ST8SIA5: variants seen among roughly 807,000 people sequenced by gnomAD.
The protein encoded by ST8SIA5 is alpha-2,8-sialyltransferase 8E.
ST8SIA5 carries 24 observed loss-of-function variants against 40.2 expected under a neutral mutation model. That is an observed-to-expected ratio of 0.60 (90% CI 0.43 to 0.84). ST8SIA5 has a LOEUF of 0.84. Among genes scored for constraint, ST8SIA5 ranks in the 40% least tolerant of loss-of-function variants. The probability of loss-of-function intolerance (pLI) is 0.00; values close to 1 mark genes in which losing one functional copy is unlikely to be tolerated. For synonymous variants in ST8SIA5, 198 were observed against 201.8 expected, an observed-to-expected ratio of 0.98 and a Z score of 0.16; for missense variants, 465 against 498.5, an observed-to-expected ratio of 0.93 and a Z score of 0.64.
intron 5 of ST8SIA5, among the ~76,000 whole-genome samples, chr18:46,685,651 T>C (rs2039439024): frequency 1.3e-5 from 2 of 152,236 alleles, no homozygotes; most frequent in African/African-American, 4.8e-5. Context: ...CAAGTCTCTT[T>C]GCTTTAAGCT....
rs1217064854 is a variant in ST8SIA5 at position 46,724,987 on chromosome 18, GAGAGGAAGGA to G, written c.132-20333_132-20324del. On this transcript the variant is annotated intron_variant, in intron 1 of 6. Transcript: ENST00000315087. The stretch of plus-strand genomic sequence containing the variant: ...AAGACGAAAGAAAGGAAGAAAGAGA[GAGAGGAAGGA>G]AGGAAGGAAGGAAGGAAGGAAGGAA... Among the ~76,000 whole-genome samples, 989 of 135,342 alleles carry G rather than the reference GAGAGGAAGGA, an allele frequency of 7.3e-3. 6 individuals are homozygous for G. Among genetic ancestry groups the G allele is most frequent in the Middle Eastern group, 0.031 (9 of 286 alleles). The allele number at this position is 135,342 out of a possible 152,430, so 88.8% of individuals were successfully genotyped here. A position where few individuals can be genotyped will look rare whatever the true frequency, so the allele number is the denominator to read the frequency against.
At chr18:46,726,019 T>TATATATATATATATATATATATATCCTGG (rs1568271535) in intron 1 of ST8SIA5, among the ~76,000 whole-genome samples, 3 of 100,794 alleles carry the variant, frequency 3.0e-5, no homozygotes, top group African/African-American at 1.1e-4. Context: ...ATCCTGGATA[T>TATATATATATATATATATATATATCCTGG]ATATATATAT....
At position 46,704,608 on chromosome 18, in the gene ST8SIA5, A is replaced by G. The variant is rs1223713099; in HGVS notation, c.188T>C (p.Leu63Pro). 6.2e-7 allele frequency: 1 copy of G among 1,613,570 alleles called. No individual in the cohort carries two copies. The highest frequency in any genetic ancestry group is 2.2e-5 in the East Asian group (1 of 44,860). Reference protein sequence around the residue: ...FEYNSTRCLELRHEILEVKVL... With the variant: ...FEYNSTRCLEPRHEILEVKVL... ...CTTCACTTCCAATATTTCGTGCCTC[A>G]GCTCCAGGCATCTTGTGGAGTTATA... Residue 63 changes from leucine to proline, a missense_variant, in exon 2 of 7, where the codon CTG becomes CCG. Coordinates refer to ENST00000315087, the MANE Select transcript of ST8SIA5 (RefSeq NM_013305.6).
At chr18:46,690,492 C>T (rs2039493912) in intron 3 of ST8SIA5, among the ~76,000 whole-genome samples, 1 of 152,164 alleles carries the variant, frequency 6.6e-6, no homozygotes, top group African/African-American at 2.4e-5. Flanking sequence ...CAGAGCTCCA[C>T]CCCTGCACTG....
intron 4 of ST8SIA5, among the ~76,000 whole-genome samples, chr18:46,686,856 C>G (rs908319456): frequency 2.0e-5 from 3 of 148,004 alleles, no homozygotes; most frequent in Non-Finnish European, 4.4e-5. Flanking sequence ...GAAAAATCAT[C>G]AAAAGTTTAT....
chr18:46,707,633 T>C (rs1168390927), intron 1 of ST8SIA5, among the ~76,000 whole-genome samples: 3 of 152,218 alleles, frequency 2.0e-5, no homozygotes, highest in Non-Finnish European at 4.4e-5. Context: ...CCACCCCTCA[T>C]TGGCCTCTGT....
rs897267130 is a variant in ST8SIA5, at chr18:46,673,352, T to C, written c.*6690A>G. The C allele has an allele frequency of 2.0e-5, 3 of 152,188 alleles. No individual in the cohort carries two copies. The highest frequency in any genetic ancestry group is 7.2e-5 in the African/African-American group (3 of 41,450). The allele number at this position is 152,188 out of a possible 1,614,324, so 9.4% of individuals were successfully genotyped here. ...TAGGTACATAGTGGGTTATATATTA[T>C]ATTTGTATGTACAGAAAAGGCAGAA... On this transcript the variant is annotated 3_prime_UTR_variant, in exon 7 of 7. Transcript: ENST00000315087.
At chr18:46,698,904 G>A (rs2039583494) in intron 2 of ST8SIA5, among the ~76,000 whole-genome samples, 1 of 152,164 alleles carries the variant, frequency 6.6e-6, no homozygotes. Context: ...GGAAAAAGAT[G>A]GCTAGAAGCT....
intron 6 of ST8SIA5, among the ~76,000 whole-genome samples, chr18:46,681,750 A>G (rs2039398418): frequency 6.6e-6 from 1 of 152,250 alleles, no homozygotes; most frequent in Non-Finnish European, 1.5e-5. Flanking sequence ...TATTTTCTTT[A>G]ACCCACTATT....
At chr18:46,717,113 G>C (rs567761413) in intron 1 of ST8SIA5, among the ~76,000 whole-genome samples, 2 of 152,340 alleles carry the variant, frequency 1.3e-5, no homozygotes, top group African/African-American at 4.8e-5. Context: ...CAGGACAGAG[G>C]CCATCACCAT....
chr18:46,738,276 G>A (rs2040054587), intron 1 of ST8SIA5, among the ~76,000 whole-genome samples: 1 of 151,830 alleles, frequency 6.6e-6, no homozygotes, highest in African/African-American at 2.4e-5. Flanking sequence ...GGTGGGTGGG[G>A]CAAGGAAGAA....
In ST8SIA5 at chr18:46,680,182, G is replaced by T. The variant is rs1176541671; in HGVS notation, c.991C>A (p.Leu331Ile). 6.2e-7 allele frequency: 1 copy of T among 1,614,118 alleles called. No individual in the cohort carries two copies. Among genetic ancestry groups the T allele is most frequent in the African/African-American group, 1.3e-5 (1 of 74,956 alleles). Residue 331 changes from leucine to isoleucine, a missense_variant, in exon 7 of 7, where the codon CTC (leucine) becomes ATC (isoleucine). Physicochemically the swap from Leu to Ile is conservative, Grantham distance 5. Transcript: ENST00000315087. Reference protein sequence around the residue: ...FWAFPMNPSGLYITHHYYDNV... With the variant: ...FWAFPMNPSGIYITHHYYDNV... ...TCATAGTAGTGGTGAGTGATGTAGAGGCCCGAGGGGTTCATGGGGAAGGCC... is the reference window on the plus strand; with the variant it reads ...TCATAGTAGTGGTGAGTGATGTAGATGCCCGAGGGGTTCATGGGGAAGGCC...
intron 2 of ST8SIA5, among the ~76,000 whole-genome samples, chr18:46,701,076 G>A (rs952439113): frequency 6.8e-6 from 1 of 146,440 alleles, no homozygotes; most frequent in Non-Finnish European, 1.5e-5. Context: ...AAATTCGTAT[G>A]CTTAGGTCCT....
At chr18:46,734,175 T>C (rs1255144634) in intron 1 of ST8SIA5, among the ~76,000 whole-genome samples, 1 of 152,128 alleles carries the variant, frequency 6.6e-6, no homozygotes, top group Non-Finnish European at 1.5e-5. Context: ...GGTTCTGCGC[T>C]CCCTTGCCTG....
At chr18:46,690,779 A>T (rs662191) in intron 3 of ST8SIA5, among the ~76,000 whole-genome samples, 12,647 of 151,914 alleles carry the variant, frequency 0.083, 769 homozygotes, top group East Asian at 0.35. Context: ...ACACCTGGCT[A>T]ATTTCTTTGC....
chr18:46,718,467 C>T (rs1470018774), intron 1 of ST8SIA5, among the ~76,000 whole-genome samples: 15 of 122,416 alleles, frequency 1.2e-4, no homozygotes, highest in Non-Finnish European at 1.9e-4. Context: ...TCTTATAGCT[C>T]ACACCTTTCT....
intron 2 of ST8SIA5, among the ~76,000 whole-genome samples, chr18:46,696,259 G>A (rs2039556277): frequency 6.6e-6 from 1 of 152,096 alleles, no homozygotes; most frequent in South Asian, 2.1e-4. Flanking sequence ...GACCTCACAG[G>A]GTATGAGGGA....
chr18:46,686,424 C>T (rs1219850313), intron 4 of ST8SIA5, 138 bp from the exon 5 acceptor site: 16 of 693,218 alleles, frequency 2.3e-5, no homozygotes, highest in African/African-American at 3.5e-5. Flanking sequence ...GGGAGGAAAG[C>T]GGCTTTCCAC....
At chr18:46,755,992 T>C (rs2040240234) in intron 1 of ST8SIA5, among the ~76,000 whole-genome samples, 1 of 152,024 alleles carries the variant, frequency 6.6e-6, no homozygotes, top group South Asian at 2.1e-4. Context: ...AAACAAACAA[T>C]CGATACGATT....
Sources: gnomAD v4.1 joint callset for allele counts (sites outside exome capture counted in the v4.1 genomes callset) on GRCh38, gnomAD v4.1.1 for gene constraint, MANE v1.5 for transcripts, NCBI Gene and HGNC (gene_info 2026-07-23, HGNC 2026-07-21) for gene names.